The following GRHL2 variants were observed in gnomAD, a reference collection of about 807,000 sequenced individuals.
The protein encoded by GRHL2 is grainyhead-like protein 2 homolog.
A neutral mutation model predicts 83.8 loss-of-function variants in GRHL2; 21 were observed. The ratio of observed to expected loss-of-function variants is 0.25; its 90% CI spans 0.18 to 0.36. The LOEUF is 0.36. Among genes scored for constraint, GRHL2 ranks in the 10% least tolerant of loss-of-function variants. The pLI, the probability that GRHL2 is intolerant of heterozygous loss-of-function variation, is 1.00. For missense variants in GRHL2, 623 were observed against 781.8 expected, an observed-to-expected ratio of 0.80 and a Z score of 2.42; for synonymous variants, 280 against 278.9, an observed-to-expected ratio of 1.00 and a Z score of -0.04.
At chr8:101,512,585 C>T (rs1403910578) in intron 1 of GRHL2, among the ~76,000 whole-genome samples, 1 of 152,280 alleles carries the variant, frequency 6.6e-6, no homozygotes, top group South Asian at 2.1e-4. Context: ...AGCAATTCTC[C>T]GGCCTCAGCC....
chr8:101,625,022 A>C (rs1813053937), intron 9 of GRHL2, among the ~76,000 whole-genome samples: 1 of 152,168 alleles, frequency 6.6e-6, no homozygotes, highest in South Asian at 2.1e-4. Flanking sequence ...TATGTCTTTA[A>C]TTCAGCATAT....
chr8:101,652,560 G>GTATGT lies in GRHL2; in HGVS notation c.1698+3061_1698+3062insTATGT, dbSNP rs879733135. 8.6e-4 allele frequency among the ~76,000 whole-genome samples: 46 copies of GTATGT among 53,336 alleles called. 7 individuals are homozygous for GTATGT. The East Asian group carries it at 0.014, about 17-fold the overall frequency. 35.0% of individuals were successfully genotyped at this position (53,336 alleles called of 152,430 possible). ...GTGTGTGTGTGTGGTGTGTATGTGT[G>GTATGT]GTGGTGTGTGTGTGGTGTGTGTGGT... On this transcript the variant is annotated intron_variant, in intron 14 of 15. Transcript: ENST00000646743.
At chr8:101,557,583 T>C (rs1811514715) in intron 3 of GRHL2, among the ~76,000 whole-genome samples, 1 of 152,190 alleles carries the variant, frequency 6.6e-6, no homozygotes, top group Non-Finnish European at 1.5e-5. Context: ...AAAATTCCCA[T>C]TGCCTGATAA....
In GRHL2 at chr8:101,666,726, G is replaced by A. The variant is rs764813792; in HGVS notation, c.*23G>A. 3 of 1,450,988 alleles carry A rather than the reference G, an allele frequency of 2.1e-6. No homozygotes were observed. Among genetic ancestry groups the A allele is most frequent in the South Asian group, 1.1e-5 (1 of 87,582 alleles). 89.9% of individuals were successfully genotyped at this position (1,450,988 alleles called of 1,614,324 possible). ...TAGCCCTGGGTTTGGCATCCGCTTT[G>A]GCTGGAGCTCTCAGTGCGTTCCTCC... On this transcript the variant is annotated 3_prime_UTR_variant, in exon 16 of 16. Coordinates refer to ENST00000646743, the MANE Select transcript of GRHL2 (RefSeq NM_024915.4).
At position 101,520,941 on chromosome 8, in the gene GRHL2, T is replaced by C. The variant is rs74891974; in HGVS notation, c.21-22300T>C. Among the ~76,000 whole-genome samples, 576 of 152,336 alleles carry C rather than the reference T, an allele frequency of 3.8e-3. 7 individuals are homozygous for C. Among genetic ancestry groups the C allele is most frequent in the African/African-American group, 0.013 (543 of 41,574 alleles). On this transcript the variant is annotated intron_variant, in intron 1 of 15. Coordinates refer to ENST00000646743, the MANE Select transcript of GRHL2 (RefSeq NM_024915.4). ...CTGCAAGTCTCAATTTGTGTTTGAA[T>C]ACTTTCACAGTAACCCCATCCTAAG...
chr8:101,516,564 C>G (rs561145), intron 1 of GRHL2, among the ~76,000 whole-genome samples: 2 of 151,792 alleles, frequency 1.3e-5, no homozygotes, highest in East Asian at 3.9e-4. Context: ...ACTACAGGCA[C>G]ATGCCACCAT....
At chr8:101,596,142 AAAAT>A (rs1200655347) in intron 7 of GRHL2, among the ~76,000 whole-genome samples, 1 of 146,160 alleles carries the variant, frequency 6.8e-6, no homozygotes, top group South Asian at 2.2e-4. Flanking sequence ...TAAAAAAAAT[AAAAT>A]AAATAAATAA....
At chr8:101,513,051 A>C (rs2130014798) in intron 1 of GRHL2, among the ~76,000 whole-genome samples, 1 of 152,222 alleles carries the variant, frequency 6.6e-6, no homozygotes, top group South Asian at 2.1e-4. Flanking sequence ...AGCTGTTAAT[A>C]ATTTTTATAT....
chr8:101,572,114 ATAAGTGCCTTTATCTGG>A (rs1428489915), intron 5 of GRHL2, among the ~76,000 whole-genome samples: 1 of 152,232 alleles, frequency 6.6e-6, no homozygotes, highest in Non-Finnish European at 1.5e-5. Context: ...GTTTATGTTC[ATAAGTGCCTTTATCTGG>A]GAAGGAAAAT....
intron 13 of GRHL2, among the ~76,000 whole-genome samples, chr8:101,648,842 C>T (rs1813564651): frequency 6.6e-6 from 1 of 152,202 alleles, no homozygotes; most frequent in South Asian, 2.1e-4. Flanking sequence ...TCAAGGGACC[C>T]TTCCAGGAAC....
At chr8:101,562,089 G>A in intron 4 of GRHL2, 1 of 681,520 alleles carries the variant, frequency 1.5e-6, no homozygotes, top group Non-Finnish European at 2.7e-6. Flanking sequence ...GGGGGGCTCA[G>A]ATAAGATGGA....
At chr8:101,610,759 G>GC (rs1002951458) in intron 8 of GRHL2, among the ~76,000 whole-genome samples, 5 of 150,854 alleles carry the variant, frequency 3.3e-5, no homozygotes, top group African/African-American at 1.2e-4. Context: ...CTTGGCAGAT[G>GC]TTTTTTTCTG....
At chr8:101,671,818 G>A (rs186462928), downstream of GRHL2, among the ~76,000 whole-genome samples, 137 of 152,258 alleles carry the variant, frequency 9.0e-4, no homozygotes, top group Middle Eastern at 0.014. Flanking sequence ...TCATATGTCC[G>A]GGTACTCCTC....
At chr8:101,520,615 GAA>G (rs1810663419) in intron 1 of GRHL2, among the ~76,000 whole-genome samples, 1 of 152,130 alleles carries the variant, frequency 6.6e-6, no homozygotes, top group African/African-American at 2.4e-5. Context: ...GGATTGAACA[GAA>G]AAGAGTTTGA....
intron 1 of GRHL2, among the ~76,000 whole-genome samples, chr8:101,512,593 G>A (rs575032930): frequency 5.6e-4 from 85 of 152,286 alleles, no homozygotes; most frequent in African/African-American, 1.6e-3. Flanking sequence ...TCCGGCCTCA[G>A]CCACCCGAGT....
Position 101,584,105 on chromosome 8 carries a change from G to A in GRHL2, c.1003+6586G>A, listed in dbSNP as rs976446461. 2.0e-5 allele frequency among the ~76,000 whole-genome samples: 3 copies of A among 152,148 alleles called. 1 individual carries two copies. The highest frequency in any genetic ancestry group is 4.1e-4 in the South Asian group (2 of 4,830). ...GTTGTAGTTAATTGTGAAATAAACT[G>A]TATGCTCTTTATTCAATCTCTGTCT... On this transcript the variant is annotated intron_variant, in intron 7 of 15. Transcript: ENST00000646743.
chr8:101,547,706 C>T (rs1811294675), intron 2 of GRHL2, among the ~76,000 whole-genome samples: 1 of 152,196 alleles, frequency 6.6e-6, no homozygotes, highest in African/African-American at 2.4e-5. Context: ...CCACCATTTA[C>T]AAAATGCCCT....
intron 7 of GRHL2, among the ~76,000 whole-genome samples, chr8:101,578,088 A>T (rs1481002045): frequency 6.6e-6 from 1 of 152,196 alleles, no homozygotes; most frequent in Non-Finnish European, 1.5e-5. Flanking sequence ...AGAGACCAGC[A>T]GCCCCCTGGA....
At chr8:101,657,928 A>C (rs1447095816) in intron 14 of GRHL2, among the ~76,000 whole-genome samples, 3 of 152,178 alleles carry the variant, frequency 2.0e-5, no homozygotes, top group African/African-American at 7.2e-5. Context: ...ATCATGTGCC[A>C]CACGTTTTCC....
Sources: gnomAD v4.1 joint callset for allele counts (sites outside exome capture counted in the v4.1 genomes callset) on GRCh38, gnomAD v4.1.1 for gene constraint, MANE v1.5 for transcripts, NCBI Gene and HGNC (gene_info 2026-07-23, HGNC 2026-07-21) for gene names.